The following CNTNAP5 variants were observed in gnomAD, a reference collection of about 807,000 sequenced individuals.
CNTNAP5 encodes contactin-associated protein-like 5.
A neutral mutation model predicts 150.2 loss-of-function variants in CNTNAP5; 72 were observed. That is an observed-to-expected ratio of 0.48 (90% CI 0.40 to 0.58). The LOEUF (loss-of-function observed/expected upper bound fraction) is 0.58, where lower values mean the gene tolerates loss of function less well. CNTNAP5 is among the 20% of genes least tolerant of loss of function. The pLI, the probability that CNTNAP5 is intolerant of heterozygous loss-of-function variation, is 0.00. For synonymous variants in CNTNAP5, 672 were observed against 619.8 expected (o/e 1.08, Z -1.25); for missense variants, 1,636 against 1,626.2 (o/e 1.01, Z -0.10).
intron 3 of CNTNAP5, among the ~76,000 whole-genome samples, chr2:124,326,160 T>A (rs1164915680): frequency 1.3e-5 from 2 of 151,958 alleles, no homozygotes; most frequent in Non-Finnish European, 2.9e-5. Flanking sequence ...AAGGTGAGGA[T>A]GATGTTTCTT....
chr2:124,184,693 G>A (rs1685291666), intron 1 of CNTNAP5, among the ~76,000 whole-genome samples: 1 of 152,172 alleles, frequency 6.6e-6, no homozygotes, highest in South Asian at 2.1e-4. Flanking sequence ...TTGTGCTAAA[G>A]TGCAGGATGT....
At chr2:124,759,006 C>T (rs1005569972) in intron 14 of CNTNAP5, among the ~76,000 whole-genome samples, 1 of 152,088 alleles carries the variant, frequency 6.6e-6, no homozygotes, top group Non-Finnish European at 1.5e-5. Context: ...AAGAATTACA[C>T]ACACATACAC....
intron 12 of CNTNAP5, among the ~76,000 whole-genome samples, chr2:124,636,877 A>T (rs1162948325): frequency 2.1e-5 from 2 of 97,114 alleles, no homozygotes; most frequent in South Asian, 3.6e-4. Context: ...CCACATTTGC[A>T]AATTTGTGCC....
chr2:124,734,258 CAG>C (rs138532680), intron 13 of CNTNAP5, among the ~76,000 whole-genome samples: 32 of 149,452 alleles, frequency 2.1e-4, no homozygotes, highest in Non-Finnish European at 2.8e-4. Context: ...CAAATGAACA[CAG>C]AGAGAGAGAG....
chr2:124,900,168 G>A (rs1192090326), intron 21 of CNTNAP5, among the ~76,000 whole-genome samples: 1 of 151,374 alleles, frequency 6.6e-6, no homozygotes, highest in Non-Finnish European at 1.5e-5. Context: ...CTTTTGAGGG[G>A]AATAGAAATA....
chr2:124,206,301 C>T (rs1367326857), intron 1 of CNTNAP5, among the ~76,000 whole-genome samples: 1 of 152,142 alleles, frequency 6.6e-6, no homozygotes, highest in East Asian at 1.9e-4. Context: ...TTGCCTGTCC[C>T]AGTGGCCTAT....
At chr2:124,543,216 C>A (rs967480315) in intron 10 of CNTNAP5, among the ~76,000 whole-genome samples, 2 of 152,020 alleles carry the variant, frequency 1.3e-5, no homozygotes, top group African/African-American at 4.8e-5. Context: ...ATTAGACAAG[C>A]AAACCATAGC....
At chr2:124,861,435 A>G (rs1376753473) in intron 19 of CNTNAP5, among the ~76,000 whole-genome samples, 1 of 151,802 alleles carries the variant, frequency 6.6e-6, no homozygotes, top group East Asian at 1.9e-4. Context: ...AAATAAATAA[A>G]TAAATAGCTG....
At position 124,914,519 on chromosome 2, in the gene CNTNAP5, CAA is replaced by C. The variant is rs1678723204; in HGVS notation, c.*232_*233del. On this transcript the variant is annotated 3_prime_UTR_variant, in exon 24 of 24. Transcript: ENST00000682447. ...AACCTATCGGGTGAAAACGACCACT[CAA>C]GAGACTGACTTCGCCATTCAAGACA... The C allele has an allele frequency of 2.0e-6, 1 of 498,520 alleles. No individual in the cohort carries two copies. Among genetic ancestry groups the C allele is most frequent in the African/African-American group, 1.9e-5 (1 of 51,554 alleles). The allele number at this position is 498,520 out of a possible 1,614,324, so 30.9% of individuals were successfully genotyped here.
chr2:124,891,737 T>C (rs1165536188), intron 21 of CNTNAP5, among the ~76,000 whole-genome samples: 1 of 152,162 alleles, frequency 6.6e-6, no homozygotes, highest in African/African-American at 2.4e-5. Context: ...CAGCATTCAA[T>C]ATTCACTATC....
At chr2:124,739,736 C>G (rs1036009911) in intron 13 of CNTNAP5, among the ~76,000 whole-genome samples, 1 of 152,160 alleles carries the variant, frequency 6.6e-6, no homozygotes, top group African/African-American at 2.4e-5. Flanking sequence ...CACACTTTGT[C>G]GAAGTCCTCC....
chr2:124,169,864 G>C (rs1436531716), intron 1 of CNTNAP5, among the ~76,000 whole-genome samples: 2 of 152,158 alleles, frequency 1.3e-5, no homozygotes, highest in African/African-American at 4.8e-5. Flanking sequence ...TCCAACAATT[G>C]ATCTTATCCT....
intron 19 of CNTNAP5, among the ~76,000 whole-genome samples, chr2:124,812,838 T>G (rs928521459): frequency 6.6e-6 from 1 of 152,132 alleles, no homozygotes; most frequent in East Asian, 1.9e-4. Flanking sequence ...CTTGGGCCCA[T>G]GTTCTCAGGG....
intron 1 of CNTNAP5, among the ~76,000 whole-genome samples, chr2:124,196,466 A>G (rs1685589599): frequency 6.6e-6 from 1 of 152,206 alleles, no homozygotes; most frequent in South Asian, 2.1e-4. Flanking sequence ...ATAACATGGT[A>G]TAGTTTGTAC....
In CNTNAP5 at chr2:124,789,952, C is replaced by T. The variant is rs750749896; in HGVS notation, c.2803C>T (p.His935Tyr). 8 of 1,613,782 alleles carry T rather than the reference C, an allele frequency of 5.0e-6. No individual in the cohort carries two copies. The highest frequency in any genetic ancestry group is 1.7e-5 in the Admixed American group (1 of 60,006). The change falls in exon 18 of 24, where the codon CAC becomes TAC. Residue 935 changes from histidine to tyrosine, a missense_variant. Transcript: ENST00000682447. ...CTTCCTAGGATGCATTCGCTCCTTA[C>T]ACTTGAATGGACAGAAAATGGACCT... The part of the protein sequence containing the change: ...KGFLGCIRSL[H>Y]LNGQKMDLEE...
At chr2:124,312,925 G>A (rs953332029) in intron 3 of CNTNAP5, among the ~76,000 whole-genome samples, 2 of 152,078 alleles carry the variant, frequency 1.3e-5, no homozygotes, top group African/African-American at 4.8e-5. Flanking sequence ...GGCTGGTCTC[G>A]AACTCCTGAC....
At chr2:124,648,895 TG>T (rs1290299725) in intron 13 of CNTNAP5, among the ~76,000 whole-genome samples, 1 of 152,168 alleles carries the variant, frequency 6.6e-6, no homozygotes, top group African/African-American at 2.4e-5. Context: ...TTAAGAACTT[TG>T]AAAGGCTGGG....
chr2:124,074,224 G>C (rs1682382850), intron 1 of CNTNAP5, among the ~76,000 whole-genome samples: 1 of 152,016 alleles, frequency 6.6e-6, no homozygotes, highest in Non-Finnish European at 1.5e-5. Context: ...GGCATGTGCT[G>C]GTTAATGGGT....
intron 3 of CNTNAP5, among the ~76,000 whole-genome samples, chr2:124,398,224 A>G (rs1200371307): frequency 6.6e-6 from 1 of 152,164 alleles, no homozygotes; most frequent in Non-Finnish European, 1.5e-5. Context: ...CTAAATACAG[A>G]CATTCCAGCT....
Sources: allele counts gnomAD v4.1 joint callset (sites outside exome capture counted in the v4.1 genomes callset), GRCh38; gene constraint gnomAD v4.1.1; transcripts MANE v1.5; gene names NCBI Gene and HGNC (gene_info 2026-07-23, HGNC 2026-07-21).